Variants in LGI2 observed in about 807,000 individuals in gnomAD.
LGI2 encodes leucine rich repeat LGI family member 2.
A neutral mutation model predicts 52.0 loss-of-function variants in LGI2; 30 were observed. The observed-to-expected ratio is 0.58, with a 90% CI of 0.43 to 0.78. LGI2 has a LOEUF of 0.78. LGI2 is among the 30% of genes least tolerant of loss of function. The pLI is 0.00. For missense variants in LGI2, 573 were observed against 692.5 expected (o/e 0.83, Z 1.94); for synonymous variants, 270 against 271.8 (o/e 0.99, Z 0.06).
At chr4:24,993,233 T>C in the LGI2 span, among the ~76,000 whole-genome samples, 2 of 152,214 alleles carry the variant, frequency 1.3e-5, no homozygotes, top group Admixed American at 1.3e-4. Flanking sequence ...TTATTGGCTG[T>C]GCAAACTTGA....
At chr4:24,995,962 G>T (rs1230012520), downstream of LGI2, among the ~76,000 whole-genome samples, 3 of 152,212 alleles carry the variant, frequency 2.0e-5, no homozygotes, top group African/African-American at 7.2e-5. Flanking sequence ...ATGAAATGGT[G>T]ATGTAAAGGT....
At chr4:25,012,163 C>A (rs1314669656) in intron 7 of LGI2, among the ~76,000 whole-genome samples, 172 bp downstream of exon 7, 1 of 152,160 alleles carries the variant, frequency 6.6e-6, no homozygotes, top group Non-Finnish European at 1.5e-5. Flanking sequence ...CAGTAATGGA[C>A]CACACCAAGA....
At chr4:25,017,633 C>T (rs12507961) in intron 6 of LGI2, among the ~76,000 whole-genome samples, 37,192 of 151,140 alleles carry the variant, frequency 0.25, 4,915 homozygotes, top group East Asian at 0.54. Context: ...CAGTCTCAAC[C>T]GAGTAATCTA....
the LGI2 span, among the ~76,000 whole-genome samples, chr4:24,992,300 GT>G: frequency 2.6e-5 from 4 of 152,126 alleles, no homozygotes; most frequent in African/African-American, 9.7e-5. Context: ...CTCAGGCCTT[GT>G]CCCACCGCCC....
At chr4:25,029,218 G>C (rs115458487) in intron 1 of LGI2, among the ~76,000 whole-genome samples, 3,003 of 152,304 alleles carry the variant, frequency 0.02, 43 homozygotes, top group Middle Eastern at 0.037. Flanking sequence ...ATTCCTTTCA[G>C]TTGGCATGCA....
At chr4:25,021,767 T>C (rs1725966852) in intron 4 of LGI2, among the ~76,000 whole-genome samples, 1 of 151,780 alleles carries the variant, frequency 6.6e-6, no homozygotes, top group South Asian at 2.1e-4. Flanking sequence ...CTGTCTCTAC[T>C]AAAAATACAA....
intron 7 of LGI2, among the ~76,000 whole-genome samples, chr4:25,006,713 T>C (rs1725401555): frequency 6.6e-6 from 1 of 152,248 alleles, no homozygotes; most frequent in Non-Finnish European, 1.5e-5. Context: ...TTAATCGTTA[T>C]AACAACTATA....
chr4:25,003,466 A>G lies in LGI2; in HGVS notation c.1623T>C (p.Val541=). The G allele has an allele frequency of 6.3e-7, 1 of 1,585,026 alleles. No individual in the cohort carries two copies. The highest frequency in any genetic ancestry group is 8.6e-7 in the Non-Finnish European group (1 of 1,168,844). Residue 541 remains valine, a synonymous_variant, in exon 8 of 8, where the codon GTT becomes GTC. Coordinates refer to ENST00000382114, the MANE Select transcript of LGI2 (RefSeq NM_018176.4). ...GKTKIFEHII[V]DLSL is the part of the protein sequence containing the mutation. ...CACCACACCTTCACAAACTTAAGTC[A>G]ACAATTATATGTTCAAAAATCTTTG...
intron 6 of LGI2, among the ~76,000 whole-genome samples, chr4:25,013,658 T>A (rs553583762): frequency 6.6e-6 from 1 of 152,306 alleles, no homozygotes; most frequent in Non-Finnish European, 1.5e-5. Flanking sequence ...TGGTGTCTAT[T>A]TCATGAGGTT....
At chr4:25,014,830 C>CAAAAAAA (rs60168915) in intron 6 of LGI2, among the ~76,000 whole-genome samples, 1 of 85,800 alleles carries the variant, frequency 1.2e-5, no homozygotes, top group Non-Finnish European at 2.2e-5. Context: ...GACCTTGTCT[C>CAAAAAAA]AAAAAAAAAA....
In LGI2 at chr4:25,012,366, T is replaced by C. The variant is rs1312628355; in HGVS notation, c.789A>G (p.Glu263=). 6.2e-7 allele frequency: 1 copy of C among 1,614,220 alleles called. No individual in the cohort carries two copies. Among genetic ancestry groups the C allele is most frequent in the African/African-American group, 1.3e-5 (1 of 75,058 alleles). Reference sequence around the variant, plus strand: ...TGTTGTCATAGCTCCGGAAATTCATTTCAATGTGGTCCCACTCCAGCACCA... The same window carrying C: ...TGTTGTCATAGCTCCGGAAATTCATCTCAATGTGGTCCCACTCCAGCACCA... ...NCMVLEWDHI[E]MNFRSYDNIT... The change falls in exon 7 of 8, where the codon GAA becomes GAG. Residue 263 remains glutamate (E), a synonymous_variant. Transcript: ENST00000382114.
chr4:25,015,875 C>T (rs994542831), intron 6 of LGI2, among the ~76,000 whole-genome samples: 3 of 152,070 alleles, frequency 2.0e-5, no homozygotes, highest in Non-Finnish European at 4.4e-5. Flanking sequence ...ATTTTTTTCC[C>T]GATGGAAGAA....
chr4:25,012,040 A>G (rs1450732769), intron 7 of LGI2, among the ~76,000 whole-genome samples: 4 of 152,154 alleles, frequency 2.6e-5, no homozygotes, highest in Non-Finnish European at 5.9e-5. Flanking sequence ...TGCTCAGGAC[A>G]AGGGATTCTC....
At position 25,024,824 on chromosome 4, in the gene LGI2, G is replaced by A; in HGVS notation, c.409C>T (p.His137Tyr). The A allele has an allele frequency of 6.2e-7, 1 of 1,602,868 alleles. No individual in the cohort carries two copies. The highest frequency in any genetic ancestry group is 1.3e-5 in the African/African-American group (1 of 74,528). The change falls in exon 4 of 8, where the codon CAC (histidine) becomes TAC (tyrosine). Residue 137 changes from histidine (H) to tyrosine (Y), a missense_variant. By Grantham distance (83) the His-to-Tyr change is moderately conservative. Coordinates refer to ENST00000382114, the MANE Select transcript of LGI2 (RefSeq NM_018176.4). ...AATACTTTTCATAGGACTTACAGGT[G>A]AGTCAGGTCACGGAGGCCACGAAAG... ...NAFRGLRDLT[H>Y]LSLANNHIKA...
chr4:24,993,791 G>A, the LGI2 span, among the ~76,000 whole-genome samples: 24 of 152,214 alleles, frequency 1.6e-4, no homozygotes, highest in East Asian at 5.8e-4. Context: ...ACCTACCATC[G>A]GAGGGTTTTA....
rs553990152 is a variant in LGI2, at chr4:24,999,837, C to T, written c.*3614G>A. On this transcript the variant is annotated 3_prime_UTR_variant, in exon 8 of 8. Coordinates refer to ENST00000382114, the MANE Select transcript of LGI2 (RefSeq NM_018176.4). ...GTGCTTCCTGAAGGCTGATGACGGC[C>T]GAGAGCAATTCATCACCACTCGTGC... 6.4e-5 allele frequency: 29 copies of T among 456,156 alleles called. No individual in the cohort carries two copies. The highest frequency in any genetic ancestry group is 1.1e-4 in the Non-Finnish European group (26 of 226,944). 28.3% of individuals were successfully genotyped at this position (456,156 alleles called of 1,614,324 possible).
At chr4:24,992,550 C>T in the LGI2 span, among the ~76,000 whole-genome samples, 3 of 150,512 alleles carry the variant, frequency 2.0e-5, no homozygotes, top group East Asian at 5.8e-4. Context: ...CCCATCTCTA[C>T]TAAAAATAAA....
At chr4:25,006,701 A>G (rs1028808628) in intron 7 of LGI2, among the ~76,000 whole-genome samples, 2 of 152,236 alleles carry the variant, frequency 1.3e-5, no homozygotes, top group African/African-American at 4.8e-5. Flanking sequence ...GCATTTACTT[A>G]TTTAATCGTT....
chr4:25,003,454 C>T lies in LGI2; in HGVS notation c.1635G>A (p.Leu545=), dbSNP rs1725305743. Residue 545 remains leucine, a synonymous_variant, in exon 8 of 8, where the codon TTG becomes TTA. Coordinates refer to ENST00000382114, the MANE Select transcript of LGI2 (RefSeq NM_018176.4). ...CTTAGTTTCACCCACCACACCTTCA[C>T]AAACTTAAGTCAACAATTATATGTT... ...IFEHIIVDLS[L] 2 of 1,571,450 alleles carry T rather than the reference C, an allele frequency of 1.3e-6. No individual in the cohort carries two copies. The highest frequency in any genetic ancestry group is 1.7e-6 in the Non-Finnish European group (2 of 1,162,252).
Sources: gnomAD v4.1 joint callset for allele counts (sites outside exome capture counted in the v4.1 genomes callset) on GRCh38, gnomAD v4.1.1 for gene constraint, MANE v1.5 for transcripts, NCBI Gene and HGNC (gene_info 2026-07-23, HGNC 2026-07-21) for gene names.